The following CTNNA2 variants were observed in gnomAD, a reference collection of about 807,000 sequenced individuals.
CTNNA2 encodes the protein catenin alpha 2, also known as catenin alpha-2.
CTNNA2 carries 42 observed loss-of-function variants against 101.0 expected under a neutral mutation model. That is an observed-to-expected ratio of 0.42 (90% CI 0.32 to 0.54). CTNNA2 has a LOEUF of 0.54. CTNNA2 is among the 20% of genes least tolerant of loss of function. The probability of loss-of-function intolerance (pLI) is 0.14; values close to 1 mark genes in which losing one functional copy is unlikely to be tolerated. For synonymous variants in CTNNA2, 450 were observed against 456.4 expected (o/e 0.99, Z 0.18); for missense variants, 871 against 1,223.1 (o/e 0.71, Z 4.29).
rs534053390 is a variant in CTNNA2, at chr2:80,608,433, C to A, written c.2430+115C>A. The A allele has an allele frequency of 6.8e-4, 752 of 1,098,566 alleles. 6 individuals are homozygous for A. The African/African-American group carries it at 0.011, about 16-fold the overall frequency. 68.1% of individuals were successfully genotyped at this position (1,098,566 alleles called of 1,614,324 possible). The stretch of plus-strand genomic sequence containing the variant: ...AAACTACAGTGATTTATAGGGAGGG[C>A]TTTTTTTAAATAAATGTTATCACCA... On this transcript the variant is annotated intron_variant, in intron 17 of 18. Transcript: ENST00000402739.
chr2:80,094,715 C>T (rs1700033757), intron 7 of CTNNA2, among the ~76,000 whole-genome samples: 1 of 152,072 alleles, frequency 6.6e-6, no homozygotes, highest in Non-Finnish European at 1.5e-5. Context: ...TTGAAGAGGT[C>T]CTTCACATCC....
chr2:80,555,756 C>A lies in CTNNA2; in HGVS notation c.1604C>A (p.Thr535Asn). The change falls in exon 12 of 19, where the codon ACT becomes AAT. Residue 535 changes from threonine (T) to asparagine (N), a missense_variant. Physicochemically the swap from Thr to Asn is moderately conservative, Grantham distance 65. Transcript: ENST00000402739. Reference protein sequence around the residue: ...VIALQEGDVDTLDRTAGAIRG... With the variant: ...VIALQEGDVDNLDRTAGAIRG... ...GCCCTCCAAGAGGGCGATGTGGACA[C>A]TCTGGACCGGACTGCAGGGGCCATC... 1.9e-6 allele frequency: 3 copies of A among 1,592,716 alleles called. No homozygotes were observed. The highest frequency in any genetic ancestry group is 2.6e-6 in the Non-Finnish European group (3 of 1,169,740).
In CTNNA2 at chr2:80,112,700, T is replaced by A. The variant is rs575760371; in HGVS notation, c.1056+202903T>A. On this transcript the variant is annotated intron_variant, in intron 7 of 18. Coordinates refer to ENST00000402739, the MANE Select transcript of CTNNA2 (RefSeq NM_001282597.3). ...TTTGTTTAAGTATCCCCAGCAAAATTTTCATCCTTCCCAGCTTCTCTTTGC... is the reference window on the plus strand; with the variant it reads ...TTTGTTTAAGTATCCCCAGCAAAATATTCATCCTTCCCAGCTTCTCTTTGC... 1.1e-4 allele frequency among the ~76,000 whole-genome samples: 16 copies of A among 152,286 alleles called. No individual in the cohort carries two copies. In the East Asian group the frequency reaches 2.9e-3, roughly 28 times the overall value.
intron 7 of CTNNA2, among the ~76,000 whole-genome samples, chr2:80,166,659 T>G (rs1704714773): frequency 1.3e-5 from 2 of 152,136 alleles, no homozygotes; most frequent in South Asian, 4.1e-4. Context: ...AACCCCTGAT[T>G]TATAGCCAGT....
intron 7 of CTNNA2, chr2:80,305,108 C>T: frequency 1.0e-6 from 1 of 985,256 alleles, no homozygotes; most frequent in Non-Finnish European, 1.2e-6. Flanking sequence ...AACGTTTGGA[C>T]CTTTGCTTTA....
chr2:79,998,591 T>C (rs1047002784), intron 7 of CTNNA2, among the ~76,000 whole-genome samples: 6 of 152,312 alleles, frequency 3.9e-5, no homozygotes, highest in African/African-American at 1.4e-4. Context: ...TGCAAAGATT[T>C]GTGGCTATGA....
At chr2:79,274,186 T>C (rs1573012483) in intron 2 of CTNNA2, among the ~76,000 whole-genome samples, 1 of 152,084 alleles carries the variant, frequency 6.6e-6, no homozygotes, top group East Asian at 1.9e-4. Context: ...AGGAATGGTT[T>C]ATGTTCTCAA....
chr2:80,583,178 T>G (rs1207548491), intron 14 of CTNNA2, among the ~76,000 whole-genome samples: 2 of 152,196 alleles, frequency 1.3e-5, no homozygotes, highest in Non-Finnish European at 2.9e-5. Context: ...CCTGATAGGA[T>G]TCTTATGAAG....
Position 79,595,982 on chromosome 2 carries a change from A to G in CTNNA2, c.-5-55570A>G, listed in dbSNP as rs185459831. On this transcript the variant is annotated intron_variant, in intron 1 of 18. Coordinates refer to ENST00000402739, the MANE Select transcript of CTNNA2 (RefSeq NM_001282597.3). Reference sequence around the variant, plus strand: ...TCCGCCATGTGATACTCTTCTCTTTAATGCCTACATGCTTCTATTCCCGTC... The same window carrying G: ...TCCGCCATGTGATACTCTTCTCTTTGATGCCTACATGCTTCTATTCCCGTC... Among the ~76,000 whole-genome samples the G allele has an allele frequency of 1.5e-3, 224 of 150,814 alleles. 4 individuals are homozygous for G. The highest frequency in any genetic ancestry group is 1.0e-3 in the Non-Finnish European group (68 of 67,832).
At position 80,545,009 on chromosome 2, in the gene CTNNA2, A is replaced by C; in HGVS notation, c.1318A>C (p.Asn440His). ...EVANLACSIS[N>H]NEEGVKLVRM... Reference sequence around the variant, plus strand: ...TGCCAATTTGGCCTGTTCCATCTCCAACAATGAAGAAGGGGTGAAATTAGT... The same window carrying C: ...TGCCAATTTGGCCTGTTCCATCTCCCACAATGAAGAAGGGGTGAAATTAGT... Residue 440 changes from asparagine to histidine, a missense_variant, in exon 10 of 19, where the codon AAC becomes CAC. Transcript: ENST00000402739. The C allele has an allele frequency of 6.2e-7, 1 of 1,614,028 alleles. No individual in the cohort carries two copies. Among genetic ancestry groups the C allele is most frequent in the Non-Finnish European group, 8.5e-7 (1 of 1,179,950 alleles).
At chr2:80,126,976 A>G (rs1702168331) in intron 7 of CTNNA2, among the ~76,000 whole-genome samples, 1 of 152,140 alleles carries the variant, frequency 6.6e-6, no homozygotes, top group Non-Finnish European at 1.5e-5. Flanking sequence ...TTCTCCTTTA[A>G]ATACGGCTCT....
chr2:79,250,312 A>T (rs1674754155), intron 2 of CTNNA2, among the ~76,000 whole-genome samples: 1 of 152,062 alleles, frequency 6.6e-6, no homozygotes, highest in African/African-American at 2.4e-5. Context: ...ATCTGTCTCT[A>T]TGTTGGGCTC....
chr2:79,958,673 G>A (rs1171034128), intron 7 of CTNNA2, among the ~76,000 whole-genome samples: 1 of 152,130 alleles, frequency 6.6e-6, no homozygotes, highest in Non-Finnish European at 1.5e-5. Context: ...GTGAAAATAA[G>A]TCTATAAGAT....
intron 2 of CTNNA2, among the ~76,000 whole-genome samples, chr2:79,244,788 G>C (rs546138424): frequency 3.2e-4 from 49 of 152,262 alleles, no homozygotes; most frequent in African/African-American, 1.2e-3. Flanking sequence ...ATAGCATTTA[G>C]AGATAGTTAT....
chr2:80,331,030 T>A (rs1395796326), intron 7 of CTNNA2, among the ~76,000 whole-genome samples: 2 of 151,984 alleles, frequency 1.3e-5, no homozygotes, highest in Non-Finnish European at 2.9e-5. Flanking sequence ...TGTTTTTTTT[T>A]TTTTTTTTTC....
At chr2:79,373,463 G>A (rs1467825782) in intron 3 of CTNNA2, among the ~76,000 whole-genome samples, 1 of 152,150 alleles carries the variant, frequency 6.6e-6, no homozygotes, top group Non-Finnish European at 1.5e-5. Context: ...TTCTGTAACA[G>A]GAGAATGCCT....
chr2:80,581,335 G>A (rs951670976), intron 13 of CTNNA2, among the ~76,000 whole-genome samples: 6 of 152,108 alleles, frequency 3.9e-5, no homozygotes, highest in South Asian at 2.1e-4. Flanking sequence ...TTTGTTTATA[G>A]AGCAAAAGTG....
intron 3 of CTNNA2, among the ~76,000 whole-genome samples, chr2:79,776,196 G>A (rs1390985134): frequency 2.6e-5 from 4 of 152,040 alleles, no homozygotes; most frequent in African/African-American, 7.2e-5. Flanking sequence ...CTTTGAACAC[G>A]GCTTTTGTTT....
intron 1 of CTNNA2, among the ~76,000 whole-genome samples, chr2:79,555,241 A>G (rs1674369699): frequency 6.6e-6 from 1 of 152,154 alleles, no homozygotes; most frequent in Non-Finnish European, 1.5e-5. Context: ...TTCAAAAGCA[A>G]AATGTGAAAA....
Sources: allele counts gnomAD v4.1 joint callset (sites outside exome capture counted in the v4.1 genomes callset), GRCh38; gene constraint gnomAD v4.1.1; transcripts MANE v1.5; gene names NCBI Gene and HGNC (gene_info 2026-07-23, HGNC 2026-07-21).